PTPRE: variants seen among roughly 807,000 people sequenced by gnomAD.
The protein encoded by PTPRE is protein tyrosine phosphatase receptor type E, also known as receptor-type tyrosine-protein phosphatase epsilon.
Under a neutral mutation model 102.0 loss-of-function variants are expected in PTPRE, and 51 were observed. That is an observed-to-expected ratio of 0.50 (90% CI 0.40 to 0.63). The LOEUF (loss-of-function observed/expected upper bound fraction) is 0.63, where lower values mean the gene tolerates loss of function less well. Ranked by LOEUF, PTPRE falls within the 30% of genes least tolerant of loss-of-function variation. The pLI is 0.00. For missense variants in PTPRE, 752 were observed against 915.1 expected, an observed-to-expected ratio of 0.82 and a Z score of 2.30; for synonymous variants, 345 against 348.2, an observed-to-expected ratio of 0.99 and a Z score of 0.10.
rs1849388410 is a variant in PTPRE at position 128,059,957 on chromosome 10, AC to A, written c.512-981del. On this transcript the variant is annotated intron_variant, in intron 7 of 20. Transcript: ENST00000254667. Reference sequence around the variant, plus strand: ...CTACATGCACACACACACACACAACACACACACTACACACCCACCGCACATA... The same window carrying A: ...CTACATGCACACACACACACACAACAACACACTACACACCCACCGCACATA... 3.3e-5 allele frequency among the ~76,000 whole-genome samples: 5 copies of A among 150,440 alleles called. No individual in the cohort carries two copies. The South Asian group carries it at 8.4e-4, about 25-fold the overall frequency.
chr10:128,078,384 A>G (rs1480569806), intron 19 of PTPRE, among the ~76,000 whole-genome samples: 1 of 152,238 alleles, frequency 6.6e-6, no homozygotes, highest in Non-Finnish European at 1.5e-5. Flanking sequence ...GGTCAAGCCC[A>G]CTGGCCACCC....
In PTPRE at chr10:127,944,227, T is replaced by G. The variant is rs1057445128; in HGVS notation, c.-31+36918T>G. ...CCAGAACTGGGGTATAAAGTAGGAC[T>G]GAGAATTAAGAGGAAGACCACAGCT... On this transcript the variant is annotated intron_variant, in intron 1 of 20. Coordinates refer to ENST00000254667, the MANE Select transcript of PTPRE (RefSeq NM_006504.6). The surrounding 1 kb of genome is among the most constrained non-coding windows in gnomAD (Gnocchi z 4.2). Among the ~76,000 whole-genome samples, 1 of 152,154 alleles carries G rather than the reference T, an allele frequency of 6.6e-6. No homozygotes were observed. The highest frequency in any genetic ancestry group is 2.4e-5 in the African/African-American group (1 of 41,438).
rs746147681 is a variant in PTPRE, at chr10:128,068,331, C to T, written c.1007+45C>T. 3.8e-6 allele frequency: 6 copies of T among 1,572,018 alleles called. No homozygotes were observed. In the Admixed American group the frequency reaches 5.3e-5, roughly 14 times the overall value. On this transcript the variant is annotated intron_variant, in intron 12 of 20. Transcript: ENST00000254667. ...GGGCGGGACCCTCAAGGGCAGGCCACAGTGGGATGACTCATCCTCATGGGC... is the reference window on the plus strand; with the variant it reads ...GGGCGGGACCCTCAAGGGCAGGCCATAGTGGGATGACTCATCCTCATGGGC...
At chr10:127,932,324 C>A (rs1004182330) in intron 1 of PTPRE, among the ~76,000 whole-genome samples, 9 of 152,112 alleles carry the variant, frequency 5.9e-5, no homozygotes, top group African/African-American at 2.2e-4. Context: ...AAATGGATGT[C>A]CTAAATTTTA....
intron 1 of PTPRE, 37 bp from the exon 2 acceptor site, chr10:127,982,237 C>G: frequency 8.1e-7 from 1 of 1,239,382 alleles, no homozygotes; most frequent in Non-Finnish European, 1.1e-6. Flanking sequence ...TCCTGTTAAC[C>G]AGAAAACTGA....
At chr10:128,076,802 T>C (rs1258107938) in intron 18 of PTPRE, 74 bp downstream of exon 18, 3 of 1,584,934 alleles carry the variant, frequency 1.9e-6, no homozygotes, top group African/African-American at 1.4e-5. Flanking sequence ...CTGCTTGTCA[T>C]TGAACCAGAA....
At chr10:128,047,332 C>T (rs1848177055) in intron 3 of PTPRE, 58 bp from the exon 4 acceptor site, 2 of 1,578,832 alleles carry the variant, frequency 1.3e-6, no homozygotes, top group Non-Finnish European at 8.6e-7. Context: ...TGGAGGGAGA[C>T]TCTTTTGCAA....
At chr10:127,937,919 T>C (rs1847950673) in intron 1 of PTPRE, among the ~76,000 whole-genome samples, 2 of 152,156 alleles carry the variant, frequency 1.3e-5, no homozygotes, top group South Asian at 4.1e-4. Flanking sequence ...TGTACATGCA[T>C]GTGTGTAATC....
chr10:127,976,495 G>A lies in PTPRE; in HGVS notation c.-30-5779G>A, dbSNP rs1040349522. On this transcript the variant is annotated intron_variant, in intron 1 of 20. Transcript: ENST00000254667. ...GTTTGAGAGGCAGGCAGGGATGCACGTGGATCTGTGCTGAGCAGCTGCCCA... is the reference window on the plus strand; with the variant it reads ...GTTTGAGAGGCAGGCAGGGATGCACATGGATCTGTGCTGAGCAGCTGCCCA... Among the ~76,000 whole-genome samples the A allele has an allele frequency of 1.4e-4, 21 of 152,204 alleles. 1 individual carries two copies. The highest frequency in any genetic ancestry group is 3.3e-4 in the Admixed American group (5 of 15,284).
At chr10:127,909,418 G>C (rs1306724421) in intron 1 of PTPRE, among the ~76,000 whole-genome samples, 1 of 152,164 alleles carries the variant, frequency 6.6e-6, no homozygotes, top group African/African-American at 2.4e-5. Flanking sequence ...CATTAGCCTA[G>C]TCTAAGGTGC....
intron 1 of PTPRE, among the ~76,000 whole-genome samples, chr10:127,970,202 T>C (rs1850618761): frequency 6.6e-6 from 1 of 151,978 alleles, no homozygotes; most frequent in African/African-American, 2.4e-5. Context: ...GGAACTTGGG[T>C]GGGGGACACC....
chr10:128,061,807 C>T, intron 9 of PTPRE, 92 bp downstream of exon 9: 1 of 1,451,294 alleles, frequency 6.9e-7, no homozygotes, highest in Non-Finnish European at 9.2e-7. Flanking sequence ...AGGACTTATA[C>T]TGGATTTGTG....
intron 2 of PTPRE, among the ~76,000 whole-genome samples, chr10:128,038,613 C>T (rs570105272): frequency 1.5e-5 from 2 of 136,068 alleles, no homozygotes; most frequent in East Asian, 2.1e-4. Context: ...ACAATGAGAA[C>T]ACTTGGACAC....
intron 15 of PTPRE, chr10:128,071,392 G>T (rs1850755263): frequency 1.2e-5 from 2 of 170,640 alleles, no homozygotes; most frequent in Admixed American, 5.6e-5. Context: ...GCCTAGGGTA[G>T]AGTCAGGACA....
At chr10:127,924,016 G>A (rs1224384543) in intron 1 of PTPRE, among the ~76,000 whole-genome samples, 2 of 152,190 alleles carry the variant, frequency 1.3e-5, no homozygotes, top group Admixed American at 1.3e-4. Flanking sequence ...TTTAAATACT[G>A]TGTCAAGATG....
intron 1 of PTPRE, among the ~76,000 whole-genome samples, chr10:127,977,832 C>T (rs938086336): frequency 1.3e-5 from 2 of 152,192 alleles, no homozygotes; most frequent in Non-Finnish European, 2.9e-5. Context: ...TCCCCTGTTC[C>T]GATGTTGTCA....
At chr10:128,050,498 T>C (rs1356050021) in intron 6 of PTPRE, among the ~76,000 whole-genome samples, 4 of 152,160 alleles carry the variant, frequency 2.6e-5, no homozygotes, top group African/African-American at 4.8e-5. Context: ...GATGGGCAGA[T>C]AGAGAAGTAG....
chr10:128,016,374 C>A (rs1197703559), intron 2 of PTPRE, among the ~76,000 whole-genome samples: 1 of 152,192 alleles, frequency 6.6e-6, no homozygotes, highest in South Asian at 2.1e-4. Context: ...ACCCCCAGCC[C>A]CCAGGTGGAG....
chr10:128,067,824 AC>A (rs1850403740), intron 11 of PTPRE, among the ~76,000 whole-genome samples: 2 of 152,208 alleles, frequency 1.3e-5, no homozygotes, highest in Non-Finnish European at 1.5e-5. Flanking sequence ...CCCTGCTTGC[AC>A]GGGGGTCTGT....
Sources: allele counts gnomAD v4.1 joint callset (sites outside exome capture counted in the v4.1 genomes callset), GRCh38; gene constraint gnomAD v4.1.1; non-coding constraint Gnocchi (gnomAD v3.1); transcripts MANE v1.5; gene names NCBI Gene and HGNC (gene_info 2026-07-23, HGNC 2026-07-21).